The following ANO4 variants were observed in gnomAD, a reference collection of about 807,000 sequenced individuals.
The protein encoded by ANO4 is anoctamin-4.
ANO4 carries 69 observed loss-of-function variants against 141.9 expected under a neutral mutation model. That is an observed-to-expected ratio of 0.49 (90% CI 0.40 to 0.59). The LOEUF is 0.59. ANO4 is among the 20% of genes least tolerant of loss of function. The pLI is 0.00. For missense variants in ANO4, 894 were observed against 1,162.2 expected, an observed-to-expected ratio of 0.77 and a Z score of 3.36; for synonymous variants, 350 against 394.3, an observed-to-expected ratio of 0.89 and a Z score of 1.33.
chr12:101,110,850 C>A (rs1414335012), intron 23 of ANO4, among the ~76,000 whole-genome samples: 1 of 152,148 alleles, frequency 6.6e-6, no homozygotes, highest in Non-Finnish European at 1.5e-5. Context: ...TCACTTATAT[C>A]CTTTTTAAAA....
At chr12:100,733,832 C>T (rs1043807116) in exon 2 of ANO4, 7 of 702,014 alleles carry the variant, frequency 1.0e-5, no homozygotes, top group Non-Finnish European at 1.8e-5. Flanking sequence ...GCAGCTACTA[C>T]AGTTGTGTCA....
chr12:100,803,501 A>G (rs763156395), intron 1 of ANO4, among the ~76,000 whole-genome samples: 7 of 152,162 alleles, frequency 4.6e-5, no homozygotes, highest in African/African-American at 7.2e-5. Context: ...TTCCCATCCT[A>G]TATTTTGTGG....
intron 22 of ANO4, among the ~76,000 whole-genome samples, chr12:101,108,376 C>G (rs1211539711): frequency 6.6e-6 from 1 of 152,124 alleles, no homozygotes; most frequent in African/African-American, 2.4e-5. Context: ...CTGCAGAACT[C>G]TGGAGCTACA....
At chr12:100,820,318 T>G (rs572964166) in intron 1 of ANO4, among the ~76,000 whole-genome samples, 1 of 149,578 alleles carries the variant, frequency 6.7e-6, no homozygotes, top group South Asian at 2.1e-4. Context: ...CTGGTTTTAT[T>G]CTTACCCCAT....
At chr12:100,727,005 A>G (rs560746669) in intron 1 of ANO4, among the ~76,000 whole-genome samples, 18 of 129,858 alleles carry the variant, frequency 1.4e-4, no homozygotes, top group African/African-American at 5.0e-4. Flanking sequence ...TCTGATTTTT[A>G]TCATCACAGA....
At chr12:100,917,732 A>G (rs2041412245) in intron 2 of ANO4, among the ~76,000 whole-genome samples, 1 of 152,176 alleles carries the variant, frequency 6.6e-6, no homozygotes, top group East Asian at 1.9e-4. Context: ...ATTATACTCT[A>G]TGAAAGAGTA....
chr12:101,041,351 G>T (rs2047404414), intron 11 of ANO4, among the ~76,000 whole-genome samples: 2 of 152,152 alleles, frequency 1.3e-5, no homozygotes, highest in Admixed American at 6.5e-5. Context: ...AATATTTTCT[G>T]AGATAAGATC....
intron 10 of ANO4, chr12:101,038,794 A>C (rs759468857): frequency 6.6e-6 from 1 of 152,082 alleles, no homozygotes; most frequent in Non-Finnish European, 1.5e-5. Flanking sequence ...AGGACTTCTT[A>C]TCAGGTGTGG....
At chr12:100,939,900 C>A (rs2042436908) in intron 4 of ANO4, among the ~76,000 whole-genome samples, 2 of 152,116 alleles carry the variant, frequency 1.3e-5, no homozygotes, top group Non-Finnish European at 1.5e-5. Context: ...GTAAATAGAC[C>A]TATCTATTTG....
intron 1 of ANO4, among the ~76,000 whole-genome samples, chr12:100,731,265 C>G (rs776370376): frequency 2.0e-4 from 31 of 152,136 alleles, no homozygotes; most frequent in Non-Finnish European, 3.5e-4. Flanking sequence ...AGTGTTGCAA[C>G]TATTTAATAT....
chr12:100,898,097 T>A (rs564208026), intron 1 of ANO4, among the ~76,000 whole-genome samples: 79 of 152,372 alleles, frequency 5.2e-4, no homozygotes, highest in Non-Finnish European at 8.8e-4. Context: ...GATTTCCCAT[T>A]TGTAAAACAT....
At chr12:100,834,491 A>T (rs762764982) in intron 1 of ANO4, among the ~76,000 whole-genome samples, 4 of 152,118 alleles carry the variant, frequency 2.6e-5, no homozygotes, top group African/African-American at 9.7e-5. Flanking sequence ...GATTGTAATT[A>T]TGCTAGGTTT....
chr12:100,919,748 C>CTATG (rs2041541276), intron 2 of ANO4, among the ~76,000 whole-genome samples: 2 of 144,846 alleles, frequency 1.4e-5, no homozygotes, highest in African/African-American at 5.5e-5. Context: ...ATCTATCTAT[C>CTATG]TATCTATCTA....
intron 8 of ANO4, among the ~76,000 whole-genome samples, chr12:101,006,525 A>T (rs1220803836): frequency 6.6e-6 from 1 of 152,236 alleles, no homozygotes; most frequent in African/African-American, 2.4e-5. Flanking sequence ...TCATTAGAGC[A>T]TTGTTTATAA....
intron 3 of ANO4, among the ~76,000 whole-genome samples, chr12:100,767,719 A>G (rs1406994650): frequency 6.6e-6 from 1 of 152,248 alleles, no homozygotes; most frequent in Admixed American, 6.5e-5. Context: ...TTTTCATTTA[A>G]TAATTTTGGA....
intron 1 of ANO4, among the ~76,000 whole-genome samples, chr12:100,853,006 T>C (rs569395000): frequency 6.6e-6 from 1 of 152,182 alleles, no homozygotes; most frequent in Non-Finnish European, 1.5e-5. Context: ...TATGTAAGTG[T>C]ATCTTATTGA....
At chr12:100,763,681 A>T (rs1207136699) in intron 3 of ANO4, among the ~76,000 whole-genome samples, 3 of 152,184 alleles carry the variant, frequency 2.0e-5, no homozygotes, top group Admixed American at 1.3e-4. Flanking sequence ...TTCAGTTCAC[A>T]TAGGCTTGGG....
At chr12:100,797,040 A>G (rs1345219820) in intron 1 of ANO4, among the ~76,000 whole-genome samples, 2 of 152,052 alleles carry the variant, frequency 1.3e-5, no homozygotes, top group Non-Finnish European at 2.9e-5. Context: ...AAAAAACATT[A>G]TTTAGGTTTC....
At chr12:100,920,927 C>T (rs1405631967) in intron 2 of ANO4, among the ~76,000 whole-genome samples, 1 of 152,148 alleles carries the variant, frequency 6.6e-6, no homozygotes, top group Non-Finnish European at 1.5e-5. Context: ...TCATTTAATC[C>T]TAGTGGCTGC....
Sources: gnomAD v4.1 joint callset for allele counts (sites outside exome capture counted in the v4.1 genomes callset) on GRCh38, gnomAD v4.1.1 for gene constraint, MANE v1.5 for transcripts, NCBI Gene and HGNC (gene_info 2026-07-23, HGNC 2026-07-21) for gene names.